Variants in NETO2 observed in about 807,000 individuals in gnomAD.
NETO2 encodes the protein neuropilin and tolloid like 2, also known as neuropilin and tolloid-like protein 2.
Under a neutral mutation model 62.5 loss-of-function variants are expected in NETO2, and 28 were observed. That is an observed-to-expected ratio of 0.45 (90% CI 0.33 to 0.61). The LOEUF (loss-of-function observed/expected upper bound fraction) is 0.61, where lower values mean the gene tolerates loss of function less well. Ranked by LOEUF, NETO2 falls within the 20% of genes least tolerant of loss-of-function variation. NETO2 has a pLI of 0.02. For missense variants in NETO2, 548 were observed against 643.2 expected (o/e 0.85, Z 1.60); for synonymous variants, 214 against 219.1 (o/e 0.98, Z 0.21).
At chr16:47,086,912 A>T (rs915501837) in intron 7 of NETO2, among the ~76,000 whole-genome samples, 2 of 152,246 alleles carry the variant, frequency 1.3e-5, no homozygotes, top group African/African-American at 2.4e-5. Context: ...GTGGATGGAT[A>T]AACAATGTAG....
rs149909171 is a variant in NETO2 at position 47,138,324 on chromosome 16, T to C, written c.34+5255A>G. 5.8e-3 allele frequency among the ~76,000 whole-genome samples: 885 copies of C among 152,232 alleles called. 7 individuals are homozygous for C. The highest frequency in any genetic ancestry group is 0.02 in the African/African-American group (841 of 41,548). ...CTGAGGCAGGAGAATCGCTTGAACC[T>C]GGGAGGCAGAGGTTGTGGTGCGCCA... On this transcript the variant is annotated intron_variant, in intron 1 of 8. Coordinates refer to ENST00000562435, the MANE Select transcript of NETO2 (RefSeq NM_018092.5).
intron 2 of NETO2, among the ~76,000 whole-genome samples, chr16:47,131,632 TG>T (rs1183878994): frequency 3.3e-5 from 5 of 152,220 alleles, no homozygotes; most frequent in African/African-American, 1.2e-4. Context: ...AGATATTAAT[TG>T]AAGTGTTTCA....
In NETO2 at chr16:47,140,676, ATTTTTAATAAGGCTTTAGTATT is replaced by A. The variant is rs1487751563; in HGVS notation, c.34+2881_34+2902del. On this transcript the variant is annotated intron_variant, in intron 1 of 8. Transcript: ENST00000562435. ...CCTGGAAGGAAAAGCCAAAAAGTTGATTTTTAATAAGGCTTTAGTATTAAAGGACAAGTTTTTCAGTACCACA... is the reference window on the plus strand; with the variant it reads ...CCTGGAAGGAAAAGCCAAAAAGTTGAAAAGGACAAGTTTTTCAGTACCACA... Among the ~76,000 whole-genome samples the A allele has an allele frequency of 3.3e-4, 51 of 152,354 alleles. 2 individuals are homozygous for A. Among genetic ancestry groups the A allele is most frequent in the East Asian group, 2.3e-3 (12 of 5,190 alleles).
At chr16:47,087,890 C>T (rs1474316602) in intron 7 of NETO2, among the ~76,000 whole-genome samples, 1 of 152,042 alleles carries the variant, frequency 6.6e-6, no homozygotes, top group South Asian at 2.1e-4. Context: ...TGGCACCTAT[C>T]CTTGTGTATG....
At chr16:47,129,638 C>A (rs1367440459) in intron 2 of NETO2, among the ~76,000 whole-genome samples, 3 of 152,114 alleles carry the variant, frequency 2.0e-5, no homozygotes, top group Non-Finnish European at 4.4e-5. Flanking sequence ...GGGGAATCTG[C>A]TAAGTCAGTA....
rs1963123194 is a variant in NETO2 at position 47,083,738 on chromosome 16, G to T, written c.1061C>A (p.Thr354Asn). 6.2e-7 allele frequency: 1 copy of T among 1,613,480 alleles called. No individual in the cohort carries two copies. The highest frequency in any genetic ancestry group is 8.5e-7 in the Non-Finnish European group (1 of 1,179,442). Residue 354 changes from threonine to asparagine, a missense_variant, in exon 9 of 9, where the codon ACT becomes AAT. Physicochemically the swap from Thr to Asn is moderately conservative, Grantham distance 65 (BLOSUM62 0). Transcript: ENST00000562435. ...GAGAAGGACCAAGACAATCCCTGAA[G>T]TAATGCCAATAATTGTTCCATGAGT... The part of the protein sequence containing the change: ...TKTHGTIIGI[T>N]SGIVLVLLII...
Position 47,122,745 on chromosome 16 carries a change from C to A in NETO2, c.566G>T (p.Arg189Leu), listed in dbSNP as rs767911742. The change falls in exon 6 of 9, where the codon CGC (arginine) becomes CTC (leucine). Residue 189 changes from arginine (R) to leucine (L), a missense_variant. Transcript: ENST00000562435. ...CTCCTCTTGTTCTACCTGACTAGAG[C>A]GCACTATTCCATCAGCTCCCGAGAG... ...FELSGADGIV[R>L]SSQVEQEEKT... The A allele has an allele frequency of 6.2e-7, 1 of 1,614,036 alleles. No individual in the cohort carries two copies.
At chr16:47,099,018 C>T (rs1161229809) in intron 7 of NETO2, among the ~76,000 whole-genome samples, 4 of 152,096 alleles carry the variant, frequency 2.6e-5, no homozygotes. Context: ...CACCACCACA[C>T]CTGGGTAATT....
At chr16:47,109,802 G>C (rs189805285) in intron 6 of NETO2, 91 bp from the exon 7 acceptor site, 1 of 834,750 alleles carries the variant, frequency 1.2e-6, no homozygotes, top group East Asian at 2.7e-5. Flanking sequence ...ATGGGACACC[G>C]AATGACAGCT....
At chr16:47,103,000 T>C (rs572705451) in intron 7 of NETO2, among the ~76,000 whole-genome samples, 19 of 152,312 alleles carry the variant, frequency 1.2e-4, no homozygotes, top group African/African-American at 1.7e-4. Flanking sequence ...CACATGTTTA[T>C]TGTAGCACTA....
intron 7 of NETO2, among the ~76,000 whole-genome samples, chr16:47,099,541 T>C (rs1173963236): frequency 6.6e-6 from 1 of 151,980 alleles, no homozygotes. Flanking sequence ...TCAAGACCCA[T>C]CAGTGTGCTG....
chr16:47,119,197 G>A (rs1196070807), intron 6 of NETO2, among the ~76,000 whole-genome samples: 2 of 150,332 alleles, frequency 1.3e-5, no homozygotes, highest in Admixed American at 6.6e-5. Flanking sequence ...TGTTGCCCAG[G>A]CTGGAGTGCA....
At chr16:47,093,954 T>A (rs546687993) in intron 7 of NETO2, among the ~76,000 whole-genome samples, 2 of 152,352 alleles carry the variant, frequency 1.3e-5, no homozygotes, top group African/African-American at 4.8e-5. Context: ...TTCATGACAA[T>A]AGATAAGATA....
intron 7 of NETO2, among the ~76,000 whole-genome samples, chr16:47,094,412 T>TTTAC (rs1015243880): frequency 8.0e-5 from 12 of 149,168 alleles, no homozygotes; most frequent in African/African-American, 3.1e-4. Context: ...GTTTTATTTA[T>TTTAC]TTACTTATTT....
chr16:47,115,741 ATATATATTT>A (rs1963907507), intron 6 of NETO2, among the ~76,000 whole-genome samples: 1 of 144,612 alleles, frequency 6.9e-6, no homozygotes, highest in Non-Finnish European at 1.5e-5. Flanking sequence ...ACATGTATAT[ATATATATTT>A]TGTAGGGGCT....
chr16:47,131,926 AT>A, intron 2 of NETO2, 42 bp downstream of exon 2: 1 of 1,530,536 alleles, frequency 6.5e-7, no homozygotes, highest in Non-Finnish European at 9.0e-7. Context: ...AAGCCAGTCC[AT>A]TGTCTTAAAC....
chr16:47,092,025 G>T (rs991703177), intron 7 of NETO2, among the ~76,000 whole-genome samples: 156 of 134,258 alleles, frequency 1.2e-3, no homozygotes, highest in African/African-American at 3.8e-3. Flanking sequence ...AACTGTTTTG[G>T]TTTTTTTTTT....
At chr16:47,114,544 G>A (rs1055917315) in intron 6 of NETO2, among the ~76,000 whole-genome samples, 6 of 137,082 alleles carry the variant, frequency 4.4e-5, no homozygotes, top group East Asian at 5.0e-4. Context: ...TCCGCCTCCC[G>A]GGTTCATGCC....
chr16:47,088,344 G>C (rs887746223), intron 7 of NETO2, among the ~76,000 whole-genome samples: 1 of 152,148 alleles, frequency 6.6e-6, no homozygotes, highest in Non-Finnish European at 1.5e-5. Context: ...GACCTTAAGT[G>C]ATCTGCCTGC....
Sources: allele counts gnomAD v4.1 joint callset (sites outside exome capture counted in the v4.1 genomes callset), GRCh38; gene constraint gnomAD v4.1.1; transcripts MANE v1.5; gene names NCBI Gene and HGNC (gene_info 2026-07-23, HGNC 2026-07-21).